Variants in SON observed in about 807,000 individuals in gnomAD.
The protein encoded by SON is SON DNA and RNA binding protein, also known as protein SON.
SON carries 4 observed loss-of-function variants against 173.3 expected under a neutral mutation model. That is an observed-to-expected ratio of 0.02 (90% CI 0.01 to 0.05). The LOEUF (loss-of-function observed/expected upper bound fraction) is 0.05. Among genes scored for constraint, SON ranks in the 10% least tolerant of loss-of-function variants. The probability of loss-of-function intolerance (pLI) is 1.00; values close to 1 mark genes in which losing one functional copy is unlikely to be tolerated. For synonymous variants in SON, 1,190 were observed against 1,105.9 expected (o/e 1.08, Z -1.51); for missense variants, 2,626 against 3,055.3 (o/e 0.86, Z 3.31).
intron 1 of SON, 92 bp downstream of exon 1, chr21:33,543,261 C>T: frequency 1.6e-6 from 2 of 1,248,028 alleles, no homozygotes; most frequent in Non-Finnish European, 1.2e-6. Context: ...GCAGTCGTTC[C>T]CCGGCTCAGG....
chr21:33,570,156 GT>G (rs1269016772), intron 8 of SON: 1 of 152,280 alleles, frequency 6.6e-6, no homozygotes, highest in Admixed American at 6.5e-5. Context: ...GATTGGGAAG[GT>G]TTCTTTATCC....
rs1569066072 is a variant in SON at position 33,567,278 on chromosome 21, G to T, written c.6768+11G>T. On this transcript the variant is annotated intron_variant, in intron 7 of 11. Transcript: ENST00000356577. ...AGAGCTCAGGAAAGGGTATGTAGCA[G>T]TTTTTTAAAAAAAATTATTATTTAC... 1 of 1,461,332 alleles carries T rather than the reference G, an allele frequency of 6.8e-7. No individual in the cohort carries two copies. Among genetic ancestry groups the T allele is most frequent in the South Asian group, 1.1e-5 (1 of 88,048 alleles). 90.5% of individuals were successfully genotyped at this position (1,461,332 alleles called of 1,614,324 possible). A position where few individuals can be genotyped will look rare whatever the true frequency, so the allele number is the denominator to read the frequency against.
rs2085749638 is a variant in SON, at chr21:33,550,602, A to G, written c.1371A>G (p.Pro457=). 3 of 1,613,640 alleles carry G rather than the reference A, an allele frequency of 1.9e-6. No individual in the cohort carries two copies. Among genetic ancestry groups the G allele is most frequent in the Middle Eastern group, 1.6e-4 (1 of 6,082 alleles). Residue 457 remains proline, a synonymous_variant, in exon 3 of 12, where the codon CCA becomes CCG. Coordinates refer to ENST00000356577, the MANE Select transcript of SON (RefSeq NM_138927.4). ...PQLSQELPGL[P]APSMGLEPPQ... ...TGTCGCAGGAATTGCCAGGGCTTCCAGCACCATCCATGGGGTTGGAGCCAC... is the reference window on the plus strand; with the variant it reads ...TGTCGCAGGAATTGCCAGGGCTTCCGGCACCATCCATGGGGTTGGAGCCAC...
In SON at chr21:33,557,683, T is replaced by A. The variant is rs375107015; in HGVS notation, c.6321+367T>A. Reference sequence around the variant, plus strand: ...CACTGATCGCCACGAGTATACTGCATATACGCAAAGACACAGACAATCTTC... The same window carrying A: ...CACTGATCGCCACGAGTATACTGCAAATACGCAAAGACACAGACAATCTTC... On this transcript the variant is annotated intron_variant, in intron 4 of 11. Transcript: ENST00000356577. The A allele has an allele frequency of 4.3e-3, 6,353 of 1,478,684 alleles. 152 individuals carry two copies. In the South Asian group the frequency reaches 0.056, roughly 13 times the overall value. 91.6% of individuals were successfully genotyped at this position (1,478,684 alleles called of 1,614,324 possible).
chr21:33,563,942 A>G (rs1287740552), intron 6 of SON, among the ~76,000 whole-genome samples: 1 of 152,096 alleles, frequency 6.6e-6, no homozygotes, highest in Non-Finnish European at 1.5e-5. Flanking sequence ...TTTTTATGTA[A>G]ATTTCACCTT....
chr21:33,559,147 C>G lies in SON; in HGVS notation c.6322-83C>G. Reference sequence around the variant, plus strand: ...AATCTTGTTTAACTTTGGAAAGTTGCTATTATGTGGTTTTGATTCTAAGAA... The same window carrying G: ...AATCTTGTTTAACTTTGGAAAGTTGGTATTATGTGGTTTTGATTCTAAGAA... On this transcript the variant is annotated intron_variant, in intron 4 of 11. Transcript: ENST00000356577. The surrounding 1 kb of genome is among the most constrained non-coding windows in gnomAD (Gnocchi z 4.1). 1.8e-6 allele frequency: 2 copies of G among 1,105,884 alleles called. No individual in the cohort carries two copies. The highest frequency in any genetic ancestry group is 1.6e-5 in the African/African-American group (1 of 62,018). 68.5% of individuals were successfully genotyped at this position (1,105,884 alleles called of 1,614,324 possible).
chr21:33,544,065 A>G (rs940181326), intron 1 of SON, among the ~76,000 whole-genome samples: 3 of 152,236 alleles, frequency 2.0e-5, no homozygotes, highest in Admixed American at 6.5e-5. Flanking sequence ...TCTTTAAAGT[A>G]CAGAAGTAGG....
At chr21:33,543,271 G>A (rs1483374854) in intron 1 of SON, 102 bp downstream of exon 1, 4 of 1,114,722 alleles carry the variant, frequency 3.6e-6, no homozygotes, top group African/African-American at 1.5e-5. Flanking sequence ...CCCGGCTCAG[G>A]CCCCGCTAGG....
chr21:33,565,350 C>G (rs2086146829), intron 6 of SON, among the ~76,000 whole-genome samples: 1 of 152,102 alleles, frequency 6.6e-6, no homozygotes, highest in South Asian at 2.1e-4. Context: ...TTATTTATGC[C>G]TAAGCACCCT....
At chr21:33,569,702 C>T (rs2086243485) in intron 8 of SON, 6 of 417,974 alleles carry the variant, frequency 1.4e-5, no homozygotes, top group Admixed American at 3.0e-5. Context: ...AGTATTAGCT[C>T]TGCATGTGGT....
In SON at chr21:33,550,756, A is replaced by G; in HGVS notation, c.1525A>G (p.Thr509Ala). The part of the protein sequence containing the change: ...VAMELTEQPV[T>A]TTELEQPVGM... ...AATGGAGTTGACCGAACAACCTGTG[A>G]CGACGACAGAGTTGGAGCAGCCTGT... Residue 509 changes from threonine (T) to alanine (A), a missense_variant, in exon 3 of 12, where the codon ACG (threonine) becomes GCG (alanine). Thr to Ala is a moderately conservative substitution (Grantham distance 58). Transcript: ENST00000356577. 1.2e-6 allele frequency: 2 copies of G among 1,614,108 alleles called. No homozygotes were observed. Among genetic ancestry groups the G allele is most frequent in the South Asian group, 2.2e-5 (2 of 91,080 alleles).
intron 1 of SON, chr21:33,543,554 G>A (rs1414714604): frequency 7.7e-6 from 2 of 260,624 alleles, no homozygotes; most frequent in Non-Finnish European, 1.5e-5. Context: ...CGCCTCCGCG[G>A]ATTTTGCCGG....
intron 11 of SON, 28 bp from the exon 12 acceptor site, chr21:33,576,337 G>A (rs777136395): frequency 9.5e-7 from 1 of 1,047,310 alleles, no homozygotes; most frequent in East Asian, 2.4e-5. Context: ...GTTTGATGCT[G>A]TTCTTATTGT....
chr21:33,572,125 T>C (rs1461462631), intron 8 of SON: 4 of 151,066 alleles, frequency 2.6e-5, no homozygotes, highest in Non-Finnish European at 5.9e-5. Context: ...CCTGAGCTAC[T>C]GAAGTTTTTT....
chr21:33,560,513 C>T (rs2086052535), intron 6 of SON: 2 of 999,008 alleles, frequency 2.0e-6, no homozygotes, highest in Non-Finnish European at 2.4e-6. Flanking sequence ...CATTAAAATG[C>T]CGCCTGATTA....
intron 7 of SON, 36 bp downstream of exon 7, chr21:33,567,303 C>A (rs2086193393): frequency 1.7e-6 from 2 of 1,201,480 alleles, no homozygotes; most frequent in Non-Finnish European, 2.5e-6. Context: ...TTATTATTTA[C>A]CATCAGCCAA....
chr21:33,544,639 C>G (rs1240500266), intron 1 of SON, among the ~76,000 whole-genome samples: 1 of 152,140 alleles, frequency 6.6e-6, no homozygotes, highest in East Asian at 1.9e-4. Context: ...CCCTCTCAGT[C>G]TCAGTCTTTT....
At chr21:33,567,013 G>A in intron 6 of SON, 144 bp from the exon 7 acceptor site, 1 of 503,806 alleles carries the variant, frequency 2.0e-6, no homozygotes, top group East Asian at 3.0e-5. Context: ...TTCTCTTTCT[G>A]AGTCTTCTCC....
intron 6 of SON, among the ~76,000 whole-genome samples, chr21:33,563,436 C>T (rs1013151775): frequency 3.1e-5 from 3 of 95,748 alleles, no homozygotes; most frequent in Non-Finnish European, 5.7e-5. Context: ...ATTCTAAAAT[C>T]ATGTTTTATA....
Sources: allele counts gnomAD v4.1 joint callset (sites outside exome capture counted in the v4.1 genomes callset), GRCh38; gene constraint gnomAD v4.1.1; non-coding constraint Gnocchi (gnomAD v3.1); transcripts MANE v1.5; gene names NCBI Gene and HGNC (gene_info 2026-07-23, HGNC 2026-07-21).